The following ACAD10 variants were observed in gnomAD, a reference collection of about 807,000 sequenced individuals.
ACAD10 encodes acyl-CoA dehydrogenase family member 10, also known as ACAD-10.
Under a neutral mutation model 116.8 loss-of-function variants are expected in ACAD10, and 112 were observed. The ratio of observed to expected loss-of-function variants is 0.96; its 90% CI spans 0.82 to 1.12. The LOEUF is 1.12. ACAD10 is among the 50% of genes most tolerant of loss of function. The pLI, the probability that ACAD10 is intolerant of heterozygous loss-of-function variation, is 0.00. For synonymous variants in ACAD10, 486 were observed against 510.6 expected, an observed-to-expected ratio of 0.95 and a Z score of 0.65; for missense variants, 1,259 against 1,350.2, an observed-to-expected ratio of 0.93 and a Z score of 1.06.
intron 6 of ACAD10, 130 bp from the exon 7 acceptor site, chr12:111,715,690 AC>A: frequency 8.0e-7 from 1 of 1,244,912 alleles, no homozygotes; most frequent in Non-Finnish European, 1.1e-6. Flanking sequence ...GAGAAGAGGT[AC>A]TTTTCTTGCA....
rs761842814 is a variant in ACAD10, at chr12:111,712,576, C to A, written c.769C>A (p.Arg257=). 6.2e-7 allele frequency: 1 copy of A among 1,613,934 alleles called. No individual in the cohort carries two copies. The highest frequency in any genetic ancestry group is 2.2e-5 in the East Asian group (1 of 44,898). The change falls in exon 6 of 21, where the codon CGG becomes AGG. Residue 257 remains arginine (R), a synonymous_variant. Transcript: ENST00000313698. The part of the protein sequence containing the change: ...FTLRVGVPNT[R]PVKKTMEIPK... ...ATTGAGAGTAGGTGTTCCAAACACT[C>A]GGCCTGTGAAAAAGACGATGGAAAT...
intron 6 of ACAD10, 79 bp from the exon 7 acceptor site, chr12:111,715,742 A>G (rs1888823579): frequency 2.5e-6 from 4 of 1,588,194 alleles, no homozygotes; most frequent in East Asian, 2.2e-5. Context: ...CAAATGCAGA[A>G]CTCATTAGAA....
At chr12:111,711,607 C>G (rs1888688454) in intron 5 of ACAD10, among the ~76,000 whole-genome samples, 1 of 149,872 alleles carries the variant, frequency 6.7e-6, no homozygotes, top group African/African-American at 2.5e-5. Flanking sequence ...TCACTGCAAG[C>G]TCCATCTCCT....
chr12:111,694,242 G>T (rs903472414), intron 2 of ACAD10, among the ~76,000 whole-genome samples: 1 of 152,152 alleles, frequency 6.6e-6, no homozygotes, highest in Non-Finnish European at 1.5e-5. Flanking sequence ...TTGGTGCTAC[G>T]CCTGAGCCTC....
At chr12:111,706,846 T>C (rs1888525737) in intron 4 of ACAD10, among the ~76,000 whole-genome samples, 1 of 150,110 alleles carries the variant, frequency 6.7e-6, no homozygotes, top group South Asian at 2.1e-4. Context: ...CCATCTCGGC[T>C]CACTGCAGCC....
At chr12:111,722,290 C>G (rs1467594191) in intron 8 of ACAD10, among the ~76,000 whole-genome samples, 1 of 152,216 alleles carries the variant, frequency 6.6e-6, no homozygotes, top group Non-Finnish European at 1.5e-5. Flanking sequence ...TCTCCAACTC[C>G]TGACCTCACG....
At chr12:111,739,376 A>G (rs1165782351) in intron 12 of ACAD10, among the ~76,000 whole-genome samples, 1 of 152,190 alleles carries the variant, frequency 6.6e-6, no homozygotes, top group Non-Finnish European at 1.5e-5. Context: ...AAAACATCAC[A>G]GGGCAAACAA....
At chr12:111,736,185 G>GTTTTTTTT (rs35268951) in intron 11 of ACAD10, among the ~76,000 whole-genome samples, 1 of 97,754 alleles carries the variant, frequency 1.0e-5, no homozygotes, top group African/African-American at 4.0e-5. Flanking sequence ...CCAGCCAATT[G>GTTTTTTTT]TTTTTTTTTT....
At chr12:111,724,290 G>T (rs1889146230) in intron 8 of ACAD10, among the ~76,000 whole-genome samples, 1 of 151,890 alleles carries the variant, frequency 6.6e-6, no homozygotes, top group South Asian at 2.1e-4. Context: ...ATGGGATGGC[G>T]GCGGGGCGGA....
At chr12:111,694,855 G>A (rs957283010) in intron 2 of ACAD10, among the ~76,000 whole-genome samples, 6 of 152,070 alleles carry the variant, frequency 3.9e-5, no homozygotes, top group African/African-American at 1.4e-4. Context: ...GTGAAACCTT[G>A]TCTCTACGAA....
intron 4 of ACAD10, 87 bp from the exon 5 acceptor site, chr12:111,709,439 T>C (rs553697472): frequency 4.3e-6 from 5 of 1,153,040 alleles, no homozygotes; most frequent in Non-Finnish European, 5.9e-6. Context: ...GTCCTTCTTA[T>C]GCTTTTCCTC....
At chr12:111,689,331 T>C (rs1887972983) in intron 1 of ACAD10, among the ~76,000 whole-genome samples, 1 of 152,054 alleles carries the variant, frequency 6.6e-6, no homozygotes, top group African/African-American at 2.4e-5. Flanking sequence ...GTATTTTTTG[T>C]TTGCATTTTT....
rs1352579326 is a variant in ACAD10, at chr12:111,723,313, C to CG, written c.1061+1581dup. Among the ~76,000 whole-genome samples the CG allele has an allele frequency of 1.7e-3, 183 of 106,044 alleles. 1 individual carries two copies. Among genetic ancestry groups the CG allele is most frequent in the African/African-American group, 6.0e-3 (167 of 27,968 alleles). The allele number at this position is 106,044 out of a possible 152,430, so 69.6% of individuals were successfully genotyped here. A position where few individuals can be genotyped will look rare whatever the true frequency, so the allele number is the denominator to read the frequency against. On this transcript the variant is annotated intron_variant, in intron 8 of 20. Transcript: ENST00000313698. ...CTCCCAGACGGGGCGGCTGGCCGGG[C>CG]GGGGGGGCTGACCCCCCCACCTCCC...
At chr12:111,749,485 C>G in intron 18 of ACAD10, 140 bp downstream of exon 18, 2 of 1,160,410 alleles carry the variant, frequency 1.7e-6, no homozygotes. Context: ...AAGTTGCATT[C>G]CTGTCTGCTT....
intron 5 of ACAD10, among the ~76,000 whole-genome samples, chr12:111,711,014 C>T (rs1888663241): frequency 6.6e-6 from 1 of 152,194 alleles, no homozygotes; most frequent in Admixed American, 6.6e-5. Context: ...CCCTCATTAG[C>T]TAAATATCCT....
intron 2 of ACAD10, among the ~76,000 whole-genome samples, chr12:111,700,560 T>A (rs1247612560): frequency 6.6e-6 from 1 of 152,168 alleles, no homozygotes; most frequent in Non-Finnish European, 1.5e-5. Flanking sequence ...TTTCCTCACA[T>A]GCTTGCCAAC....
chr12:111,731,345 A>AC (rs111577151), intron 10 of ACAD10, among the ~76,000 whole-genome samples: 11 of 152,176 alleles, frequency 7.2e-5, no homozygotes, highest in African/African-American at 2.6e-4. Context: ...GCTGCATTTG[A>AC]CCCCCTCCTC....
intron 7 of ACAD10, 34 bp from the exon 8 acceptor site, chr12:111,721,637 C>T: frequency 6.5e-7 from 1 of 1,528,132 alleles, no homozygotes; most frequent in Middle Eastern, 1.7e-4. Context: ...TCAATTCAGC[C>T]AGCAATTTTG....
intron 18 of ACAD10, among the ~76,000 whole-genome samples, chr12:111,751,608 G>A (rs544117850): frequency 7.2e-5 from 11 of 152,224 alleles, no homozygotes; most frequent in Admixed American, 2.0e-4. Flanking sequence ...GCACATGCCT[G>A]TAATCCCAGC....
Sources: allele counts gnomAD v4.1 joint callset (sites outside exome capture counted in the v4.1 genomes callset), GRCh38; gene constraint gnomAD v4.1.1; transcripts MANE v1.5; gene names NCBI Gene and HGNC (gene_info 2026-07-23, HGNC 2026-07-21).